The following KY variants were observed in gnomAD, a reference collection of about 807,000 sequenced individuals.
KY encodes the protein kyphoscoliosis peptidase.
In KY, 43 loss-of-function variants were observed where a neutral mutation model predicts 76.1. That is an observed-to-expected ratio of 0.57 (90% confidence interval 0.44 to 0.73). The LOEUF (loss-of-function observed/expected upper bound fraction) is 0.73, where lower values mean the gene tolerates loss of function less well. KY is among the 30% of genes least tolerant of loss of function. The pLI is 0.00. For missense variants in KY, 722 were observed against 828.9 expected (o/e 0.87, Z 1.58); for synonymous variants, 277 against 326.2 (o/e 0.85, Z 1.63).
intron 8 of KY, among the ~76,000 whole-genome samples, chr3:134,616,123 C>T (rs1961521260): frequency 6.6e-6 from 1 of 152,304 alleles, no homozygotes; most frequent in South Asian, 2.1e-4. Flanking sequence ...GCAGAATCAA[C>T]TAAGGATGCA....
intron 10 of KY, chr3:134,608,294 C>T (rs1214968635): frequency 2.5e-6 from 3 of 1,221,334 alleles, no homozygotes; most frequent in Non-Finnish European, 3.1e-6. Context: ...CTGAGAGAGA[C>T]TCACCCAGCT....
intron 3 of KY, among the ~76,000 whole-genome samples, chr3:134,638,384 TAC>T (rs1965271023): frequency 6.6e-6 from 1 of 152,210 alleles, no homozygotes; most frequent in South Asian, 2.1e-4. Flanking sequence ...AAACCCTAAG[TAC>T]AGCCTAAGTA....
chr3:134,617,281 A>G (rs1209990725), intron 8 of KY, among the ~76,000 whole-genome samples: 1 of 152,188 alleles, frequency 6.6e-6, no homozygotes, highest in African/African-American at 2.4e-5. Context: ...GCTAGGCACA[A>G]ATGGAGCTAA....
At chr3:134,607,430 C>A (rs1959387981) in intron 10 of KY, 2 of 985,626 alleles carry the variant, frequency 2.0e-6, no homozygotes, top group Non-Finnish European at 2.4e-6. Flanking sequence ...CCCACAGGCA[C>A]CCTGTGCTAA....
At chr3:134,649,326 C>G (rs915268516) in intron 1 of KY, among the ~76,000 whole-genome samples, 12 of 152,132 alleles carry the variant, frequency 7.9e-5, no homozygotes, top group Non-Finnish European at 1.8e-4. Context: ...GTCCTGATGC[C>G]TGGTGTTTCC....
chr3:134,607,701 G>T, intron 10 of KY: 1 of 985,802 alleles, frequency 1.0e-6, no homozygotes, highest in Non-Finnish European at 1.2e-6. Context: ...GTATGCCTCA[G>T]AGTGTGCAAA....
chr3:134,624,063 TCATATCCC>T lies in KY; in HGVS notation c.483+982_483+989del, dbSNP rs572295306. ...GATGTGCCACAGACACTAGAGCCCC[TCATATCCC>T]AAACACACTCATCCCCTAAAACTTG... On this transcript the variant is annotated intron_variant, in intron 6 of 10. Coordinates refer to ENST00000423778, the MANE Select transcript of KY (RefSeq NM_178554.6). Among the ~76,000 whole-genome samples the T allele has an allele frequency of 2.0e-4, 30 of 152,192 alleles. 1 individual carries two copies. The South Asian group carries it at 6.0e-3, about 31-fold the overall frequency.
At chr3:134,606,615 C>T (rs966050749) in intron 10 of KY, among the ~76,000 whole-genome samples, 1 of 152,136 alleles carries the variant, frequency 6.6e-6, no homozygotes, top group African/African-American at 2.4e-5. Flanking sequence ...GTGTAGTGTC[C>T]GAACTCCTTG....
Position 134,611,647 on chromosome 3 carries a change from C to T in KY, c.711-1264G>A, listed in dbSNP as rs572996082. 2.0e-5 allele frequency among the ~76,000 whole-genome samples: 3 copies of T among 152,362 alleles called. No homozygotes were observed. In the East Asian group the frequency reaches 5.8e-4, roughly 29 times the overall value. On this transcript the variant is annotated intron_variant, in intron 8 of 10. Coordinates refer to ENST00000423778, the MANE Select transcript of KY (RefSeq NM_178554.6). ...TTTGATGGGGCTCCTTTGAGTACCA[C>T]ACAAGCTGCTCAGTCCCCAACTCAG...
intron 10 of KY, chr3:134,608,256 G>T: frequency 8.4e-7 from 1 of 1,196,502 alleles, no homozygotes; most frequent in East Asian, 5.7e-5. Context: ...TAGCCAGGGT[G>T]ACGTAGTCCT....
At position 134,650,972 on chromosome 3, in the gene KY, C is replaced by T; in HGVS notation, c.-12G>A. ...TTCTTCAGCTCCATGATGCCGCCTCCTTTCCGACCTGGGCGCCGCGGCCGC... is the reference window on the plus strand; with the variant it reads ...TTCTTCAGCTCCATGATGCCGCCTCTTTTCCGACCTGGGCGCCGCGGCCGC... On this transcript the variant is annotated 5_prime_UTR_variant, in exon 1 of 11. Coordinates refer to ENST00000423778, the MANE Select transcript of KY (RefSeq NM_178554.6). 6.2e-7 allele frequency: 1 copy of T among 1,613,000 alleles called. No homozygotes were observed.
chr3:134,619,681 T>G (rs1962251258), intron 7 of KY, among the ~76,000 whole-genome samples: 1 of 152,204 alleles, frequency 6.6e-6, no homozygotes, highest in Non-Finnish European at 1.5e-5. Context: ...AAGGCTGCTC[T>G]CCCACAGCCT....
intron 3 of KY, among the ~76,000 whole-genome samples, chr3:134,638,939 C>T (rs62270964): frequency 1.1e-3 from 164 of 151,576 alleles, no homozygotes; most frequent in Middle Eastern, 7.0e-3. Context: ...CACATGCACA[C>T]GGGTGTATAT....
intron 10 of KY, chr3:134,608,344 G>A: frequency 4.6e-6 from 6 of 1,305,140 alleles, no homozygotes; most frequent in Non-Finnish European, 6.0e-6. Context: ...ATGCCAGGCT[G>A]TGTGTTCAGC....
At chr3:134,629,726 C>T (rs1963969066) in intron 3 of KY, 31 bp from the exon 4 acceptor site, 2 of 1,405,278 alleles carry the variant, frequency 1.4e-6, no homozygotes, top group Non-Finnish European at 9.9e-7. Context: ...ACATTCTCAA[C>T]CAGATGCTGC....
intron 8 of KY, 61 bp downstream of exon 8, chr3:134,619,087 A>T: frequency 1.5e-6 from 2 of 1,358,282 alleles, no homozygotes; most frequent in South Asian, 2.3e-5. Flanking sequence ...GGCACATGGC[A>T]CTGTGGAAGA....
chr3:134,621,563 A>G (rs1213272343), intron 6 of KY, among the ~76,000 whole-genome samples: 1 of 152,218 alleles, frequency 6.6e-6, no homozygotes, highest in African/African-American at 2.4e-5. Context: ...TACAAAAACA[A>G]CTCAAAATGG....
At chr3:134,648,682 C>G (rs923088842) in intron 1 of KY, among the ~76,000 whole-genome samples, 5 of 152,180 alleles carry the variant, frequency 3.3e-5, no homozygotes. Flanking sequence ...TGTCCACACT[C>G]TCCTTGCCTT....
At position 134,601,891 on chromosome 3, in the gene KY, G is replaced by C. The variant is rs933264435; in HGVS notation, c.*1688C>G. ...CTTCAGTCAGGCCTGGGCAGGGAAG[G>C]CTGCTGCTGCCTGGCAGTTTCCTCA... is the stretch of plus-strand genomic sequence containing the variant. On this transcript the variant is annotated 3_prime_UTR_variant, in exon 11 of 11. Transcript: ENST00000423778. Among the ~76,000 whole-genome samples the C allele has an allele frequency of 1.3e-5, 2 of 152,230 alleles. No homozygotes were observed. The highest frequency in any genetic ancestry group is 6.5e-5 in the Admixed American group (1 of 15,292).
Sources: allele counts gnomAD v4.1 joint callset (sites outside exome capture counted in the v4.1 genomes callset), GRCh38; gene constraint gnomAD v4.1.1; transcripts MANE v1.5; gene names NCBI Gene and HGNC (gene_info 2026-07-23, HGNC 2026-07-21).